RAB30: variants seen among roughly 807,000 people sequenced by gnomAD.
The protein encoded by RAB30 is ras-related protein Rab-30.
Under a neutral mutation model 25.1 loss-of-function variants are expected in RAB30, and 9 were observed. That is an observed-to-expected ratio of 0.36 (90% CI 0.22 to 0.63). The LOEUF (loss-of-function observed/expected upper bound fraction) is 0.63. Among genes scored for constraint, RAB30 ranks in the 20% least tolerant of loss-of-function variants. The pLI is 0.69. For synonymous variants in RAB30, 77 were observed against 86.4 expected (o/e 0.89, Z 0.60); for missense variants, 140 against 243.5 (o/e 0.58, Z 2.83).
chr11:83,044,107 C>T (rs1470046263), intron 1 of RAB30, among the ~76,000 whole-genome samples: 2 of 152,064 alleles, frequency 1.3e-5, no homozygotes, highest in African/African-American at 4.8e-5. Flanking sequence ...TGGCAAGAAA[C>T]GTGGGCAGGT....
At chr11:83,037,932 A>T (rs1858021919) in intron 1 of RAB30, among the ~76,000 whole-genome samples, 1 of 152,158 alleles carries the variant, frequency 6.6e-6, no homozygotes, top group Non-Finnish European at 1.5e-5. Flanking sequence ...CGTGCGGAAG[A>T]CAGACAGGAA....
In RAB30 at chr11:83,033,054, T is replaced by TC. The variant is rs1441416323; in HGVS notation, c.-8-35731dup. Among the ~76,000 whole-genome samples, 563 of 143,642 alleles carry TC rather than the reference T, an allele frequency of 3.9e-3. 4 individuals are homozygous for TC. Among genetic ancestry groups the TC allele is most frequent in the Non-Finnish European group, 7.2e-3 (476 of 65,962 alleles). The allele number at this position is 143,642 out of a possible 152,430, so 94.2% of individuals were successfully genotyped here. On this transcript the variant is annotated intron_variant, in intron 1 of 4. Coordinates refer to ENST00000527633, the MANE Select transcript of RAB30 (RefSeq NM_001286060.2). ...CCTAGGGAACATGTTTGCCTCAAATTCTTTTTTTTTTTTTTTTTTTTTTTT... is the reference window on the plus strand; with the variant it reads ...CCTAGGGAACATGTTTGCCTCAAATTCCTTTTTTTTTTTTTTTTTTTTTTTT...
rs1856553504 is a variant in RAB30, at chr11:82,976,801, G to T, written c.*5364C>A. ...AAGGGTGAAAGTTATTTTGCAGGTG[G>T]AATAATTTGGGCCATAGGCTTCAAT... On this transcript the variant is annotated 3_prime_UTR_variant, in exon 5 of 5. Transcript: ENST00000527633. The T allele has an allele frequency of 6.6e-6, 1 of 152,146 alleles. No individual in the cohort carries two copies. Among genetic ancestry groups the T allele is most frequent in the African/African-American group, 2.4e-5 (1 of 41,424 alleles). 9.4% of individuals were successfully genotyped at this position (152,146 alleles called of 1,614,324 possible).
intron 1 of RAB30, chr11:83,060,202 G>C (rs1858540419): frequency 6.6e-6 from 1 of 151,140 alleles, no homozygotes; most frequent in Admixed American, 6.6e-5. Context: ...GCAAAACTCT[G>C]TCTCATAAAA....
intron 1 of RAB30, among the ~76,000 whole-genome samples, chr11:83,053,304 T>C (rs1315086006): frequency 1.3e-5 from 2 of 152,180 alleles, no homozygotes; most frequent in African/African-American, 2.4e-5. Context: ...CATTACAGGA[T>C]TGTGGGGAGG....
intron 1 of RAB30, among the ~76,000 whole-genome samples, chr11:83,007,123 G>A (rs1051912957): frequency 9.9e-5 from 15 of 152,162 alleles, no homozygotes; most frequent in African/African-American, 3.4e-4. Context: ...CTCAGGCCAC[G>A]CAGCATGTAA....
chr11:83,032,554 T>G (rs1301831348), intron 1 of RAB30, among the ~76,000 whole-genome samples: 1 of 152,210 alleles, frequency 6.6e-6, no homozygotes, highest in Non-Finnish European at 1.5e-5. Context: ...GGTCTTGAAC[T>G]CCTGGCCTCA....
intron 1 of RAB30, among the ~76,000 whole-genome samples, chr11:83,017,144 G>C (rs1437267621): frequency 6.6e-6 from 1 of 152,120 alleles, no homozygotes; most frequent in African/African-American, 2.4e-5. Flanking sequence ...TTCGAGAACA[G>C]CCTGAGTAAC....
Position 83,029,611 on chromosome 11 carries a change from C to T in RAB30, c.-8-32287G>A, listed in dbSNP as rs913226837. Among the ~76,000 whole-genome samples, 56 of 152,046 alleles carry T rather than the reference C, an allele frequency of 3.7e-4. 1 individual carries two copies. Among genetic ancestry groups the T allele is most frequent in the Admixed American group, 3.6e-3 (55 of 15,254 alleles). On this transcript the variant is annotated intron_variant, in intron 1 of 4. Coordinates refer to ENST00000527633, the MANE Select transcript of RAB30 (RefSeq NM_001286060.2). ...AAATTCTACATCATATCATTTTATT[C>T]CTATGTACCTCAGAACTCATCTCTA...
At chr11:83,068,782 C>T (rs562969130) in intron 1 of RAB30, among the ~76,000 whole-genome samples, 1 of 152,204 alleles carries the variant, frequency 6.6e-6, no homozygotes, top group East Asian at 1.9e-4. Context: ...TCCGTTTACC[C>T]TCCAAGTCTC....
At chr11:83,014,731 AAG>A (rs1857396211) in intron 1 of RAB30, among the ~76,000 whole-genome samples, 2 of 151,788 alleles carry the variant, frequency 1.3e-5, no homozygotes, top group Non-Finnish European at 2.9e-5. Flanking sequence ...CAAGGAGAAA[AAG>A]AAATAAGAAA....
chr11:83,025,271 A>C (rs1857682841), intron 1 of RAB30, among the ~76,000 whole-genome samples: 1 of 152,230 alleles, frequency 6.6e-6, no homozygotes, highest in South Asian at 2.1e-4. Flanking sequence ...CTCATTGTGA[A>C]GCACAGTGTA....
rs148444998 is a variant in RAB30 at position 82,985,981 on chromosome 11, G to A, written c.361+1606C>T. Among the ~76,000 whole-genome samples, 743 of 152,024 alleles carry A rather than the reference G, an allele frequency of 4.9e-3. 5 individuals are homozygous for A. The highest frequency in any genetic ancestry group is 0.015 in the African/African-American group (604 of 41,480). On this transcript the variant is annotated intron_variant, in intron 4 of 4. Transcript: ENST00000527633. Reference sequence around the variant, plus strand: ...ATTACAGGTGTGAGCCACCATGCCCGGCTTCTGGACCTTATTTGGATCTTA... The same window carrying A: ...ATTACAGGTGTGAGCCACCATGCCCAGCTTCTGGACCTTATTTGGATCTTA...
At chr11:83,070,616 G>A (rs1038545592) in intron 1 of RAB30, among the ~76,000 whole-genome samples, 2 of 152,034 alleles carry the variant, frequency 1.3e-5, no homozygotes, top group African/African-American at 4.8e-5. Context: ...GAGCCAGCCA[G>A]CTGTTTATCT....
intron 1 of RAB30, among the ~76,000 whole-genome samples, chr11:83,023,756 A>T (rs1306510623): frequency 6.6e-6 from 1 of 152,168 alleles, no homozygotes; most frequent in Non-Finnish European, 1.5e-5. Flanking sequence ...TGCCAGCCTC[A>T]ATTCTCACCA....
intron 1 of RAB30, among the ~76,000 whole-genome samples, chr11:83,054,267 T>C (rs1444566798): frequency 6.6e-6 from 1 of 152,200 alleles, no homozygotes; most frequent in African/African-American, 2.4e-5. Flanking sequence ...ACTGCCAGCA[T>C]TATGACCATA....
At chr11:83,061,771 G>C (rs1446252019) in intron 1 of RAB30, among the ~76,000 whole-genome samples, 4 of 115,742 alleles carry the variant, frequency 3.5e-5, no homozygotes, top group Non-Finnish European at 6.5e-5. Context: ...GGCTGCTCTT[G>C]AATTCCTGGG....
intron 2 of RAB30, 147 bp downstream of exon 2, chr11:82,997,077 T>C (rs1441724590): frequency 1.5e-6 from 1 of 676,048 alleles, no homozygotes; most frequent in Non-Finnish European, 2.6e-6. Context: ...ACAAAGCAGA[T>C]GCAGCTTTCA....
chr11:82,998,473 G>A (rs1210111334), intron 1 of RAB30, among the ~76,000 whole-genome samples: 12 of 150,604 alleles, frequency 8.0e-5, no homozygotes, highest in African/African-American at 2.4e-4. Context: ...GCTTGAACCT[G>A]GGAGGCAGAG....
Sources: allele counts gnomAD v4.1 joint callset (sites outside exome capture counted in the v4.1 genomes callset), GRCh38; gene constraint gnomAD v4.1.1; transcripts MANE v1.5; gene names NCBI Gene and HGNC (gene_info 2026-07-23, HGNC 2026-07-21).